Variants in TWSG1 observed in about 807,000 individuals in gnomAD.
The protein encoded by TWSG1 is twisted gastrulation BMP signaling modulator 1.
A neutral mutation model predicts 23.0 loss-of-function variants in TWSG1; 15 were observed. The observed-to-expected ratio is 0.65, with a 90% CI of 0.44 to 1.00. The LOEUF is 1.00. Among genes scored for constraint, TWSG1 ranks in the 50% least tolerant of loss-of-function variants. The pLI, the probability that TWSG1 is intolerant of heterozygous loss-of-function variation, is 0.00. For synonymous variants in TWSG1, 86 were observed against 92.8 expected, an observed-to-expected ratio of 0.93 and a Z score of 0.42; for missense variants, 242 against 278.7, an observed-to-expected ratio of 0.87 and a Z score of 0.94.
intron 2 of TWSG1, among the ~76,000 whole-genome samples, chr18:9,340,184 T>C (rs973047408): frequency 4.0e-5 from 6 of 151,724 alleles, no homozygotes; most frequent in African/African-American, 2.4e-5. Context: ...CTGGCTAACA[T>C]GGTGAAACCC....
intron 3 of TWSG1, among the ~76,000 whole-genome samples, chr18:9,376,539 G>A (rs1368283982): frequency 1.3e-5 from 2 of 152,150 alleles, no homozygotes; most frequent in East Asian, 3.8e-4. Context: ...TTAGCCAACT[G>A]CAGATCAAAA....
At chr18:9,360,169 A>T in intron 3 of TWSG1, 98 bp downstream of exon 3, 1 of 893,728 alleles carries the variant, frequency 1.1e-6, no homozygotes, top group Non-Finnish European at 1.8e-6. Context: ...ATGTGCATAA[A>T]CAAGTATGTG....
At chr18:9,364,804 AAAGAAG>A (rs200281482) in intron 3 of TWSG1, among the ~76,000 whole-genome samples, 13 of 151,906 alleles carry the variant, frequency 8.6e-5, no homozygotes, top group Admixed American at 1.3e-4. Flanking sequence ...AGAAAAAAAA[AAAGAAG>A]AAGAAGAAAA....
intron 2 of TWSG1, among the ~76,000 whole-genome samples, chr18:9,349,884 G>A (rs1191992082): frequency 1.3e-5 from 2 of 152,196 alleles, no homozygotes; most frequent in South Asian, 2.1e-4. Context: ...GCTCACGCCT[G>A]TAATCCCAGC....
Position 9,337,136 on chromosome 18 carries a change from A to T in TWSG1, c.-37-57A>T, listed in dbSNP as rs750823706. The T allele has an allele frequency of 1.2e-4, 164 of 1,407,626 alleles. No individual in the cohort carries two copies. The highest frequency in any genetic ancestry group is 1.5e-4 in the Non-Finnish European group (159 of 1,026,022). 87.2% of individuals were successfully genotyped at this position (1,407,626 alleles called of 1,614,324 possible). A position where few individuals can be genotyped will look rare whatever the true frequency, so the allele number is the denominator to read the frequency against. ...AGTTTATGTTTTGTTTCTCATTTTT[A>T]TATTTGTTTTTACCCTAGCACTTGC... On this transcript the variant is annotated intron_variant, in intron 1 of 4. Coordinates refer to ENST00000262120, the MANE Select transcript of TWSG1 (RefSeq NM_020648.6).
chr18:9,382,532 G>C (rs1301945714), intron 3 of TWSG1, among the ~76,000 whole-genome samples: 1 of 147,710 alleles, frequency 6.8e-6, no homozygotes, highest in Non-Finnish European at 1.5e-5. Context: ...CAAAAAAAAA[G>C]GCTGGGTGCG....
In TWSG1 at chr18:9,396,473, T is replaced by C. The variant is rs747034023; in HGVS notation, c.417T>C (p.Thr139=). 6.2e-7 allele frequency: 1 copy of C among 1,614,180 alleles called. No homozygotes were observed. The highest frequency in any genetic ancestry group is 1.7e-5 in the Admixed American group (1 of 60,030). Residue 139 remains threonine, a synonymous_variant, in exon 4 of 5, where the codon ACT becomes ACC. Transcript: ENST00000262120. ...HHENLVSFLE[T]VNQPHHQNVS... ...AGAATCTGGTTTCATTTTTAGAAACTGTGAACCAGCCACACCACCAGAATG... is the reference window on the plus strand; with the variant it reads ...AGAATCTGGTTTCATTTTTAGAAACCGTGAACCAGCCACACCACCAGAATG...
intron 3 of TWSG1, among the ~76,000 whole-genome samples, chr18:9,395,626 G>T (rs997708806): frequency 3.3e-5 from 5 of 152,164 alleles, no homozygotes; most frequent in African/African-American, 1.2e-4. Context: ...GAGTCCAATG[G>T]TACAGTGATA....
At chr18:9,355,864 G>A (rs907799355) in intron 2 of TWSG1, among the ~76,000 whole-genome samples, 28 of 152,160 alleles carry the variant, frequency 1.8e-4, no homozygotes, top group African/African-American at 6.3e-4. Flanking sequence ...GAATGCTGAC[G>A]TGAGTTATGA....
intron 2 of TWSG1, among the ~76,000 whole-genome samples, chr18:9,347,995 T>C (rs980914702): frequency 1.3e-5 from 2 of 152,194 alleles, no homozygotes; most frequent in Admixed American, 6.5e-5. Flanking sequence ...TTTCTTCAAA[T>C]GTATACATTT....
chr18:9,335,194 G>A (rs2040416581), intron 1 of TWSG1, among the ~76,000 whole-genome samples: 1 of 152,136 alleles, frequency 6.6e-6, no homozygotes, highest in Non-Finnish European at 1.5e-5. Flanking sequence ...GGCCGAGCCG[G>A]GGTGGGGGTG....
chr18:9,388,075 C>T (rs943909136), intron 3 of TWSG1: 2 of 152,168 alleles, frequency 1.3e-5, no homozygotes, highest in Admixed American at 1.3e-4. Flanking sequence ...TGCCACTTGA[C>T]AATGAAGGAA....
At chr18:9,337,984 C>G (rs1397057723) in intron 2 of TWSG1, among the ~76,000 whole-genome samples, 1 of 152,160 alleles carries the variant, frequency 6.6e-6, no homozygotes, top group Non-Finnish European at 1.5e-5. Flanking sequence ...AGCCACCACT[C>G]TCATTTTTCT....
rs1426105567 is a variant in TWSG1, at chr18:9,401,154, G to A, written c.*1627G>A. 3.3e-5 allele frequency: 5 copies of A among 152,110 alleles called. No homozygotes were observed. Among genetic ancestry groups the A allele is most frequent in the Non-Finnish European group, 5.9e-5 (4 of 68,016 alleles). 9.4% of individuals were successfully genotyped at this position (152,110 alleles called of 1,614,324 possible). ...TAGCCTTTTAAAAAGTTGAGATTTA[G>A]CTCATGGATATATTTTTTGGTAGGG... is the stretch of plus-strand genomic sequence containing the variant. On this transcript the variant is annotated 3_prime_UTR_variant, in exon 5 of 5. Coordinates refer to ENST00000262120, the MANE Select transcript of TWSG1 (RefSeq NM_020648.6).
At chr18:9,351,037 G>A (rs1206842902) in intron 2 of TWSG1, among the ~76,000 whole-genome samples, 2 of 152,074 alleles carry the variant, frequency 1.3e-5, no homozygotes, top group Non-Finnish European at 2.9e-5. Context: ...CAATATGCAA[G>A]TAAATACTTA....
At chr18:9,339,452 C>T (rs2145589662) in intron 2 of TWSG1, among the ~76,000 whole-genome samples, 1 of 152,036 alleles carries the variant, frequency 6.6e-6, no homozygotes, top group East Asian at 1.9e-4. Flanking sequence ...GGCTAATTTA[C>T]TTTGTATTTT....
At chr18:9,368,561 C>G (rs548896821) in intron 3 of TWSG1, among the ~76,000 whole-genome samples, 2 of 152,032 alleles carry the variant, frequency 1.3e-5, no homozygotes, top group Non-Finnish European at 2.9e-5. Context: ...GTCTGTAATT[C>G]CAGCACTTTG....
chr18:9,359,421 C>A (rs2040541914), intron 2 of TWSG1, among the ~76,000 whole-genome samples: 2 of 152,124 alleles, frequency 1.3e-5, no homozygotes, highest in South Asian at 2.1e-4. Context: ...AGAAATTGAC[C>A]CTGTCCTTTG....
intron 3 of TWSG1, among the ~76,000 whole-genome samples, chr18:9,393,786 C>A (rs951916889): frequency 2.0e-5 from 3 of 152,138 alleles, no homozygotes; most frequent in Non-Finnish European, 4.4e-5. Flanking sequence ...GTCTTGAACT[C>A]CTAGCCTGAA....
Sources: allele counts gnomAD v4.1 joint callset (sites outside exome capture counted in the v4.1 genomes callset), GRCh38; gene constraint gnomAD v4.1.1; transcripts MANE v1.5; gene names NCBI Gene and HGNC (gene_info 2026-07-23, HGNC 2026-07-21).